Variants in CDC14B observed in about 807,000 individuals in gnomAD.
CDC14B encodes cell division cycle 14B.
A neutral mutation model predicts 64.2 loss-of-function variants in CDC14B; 22 were observed. That is an observed-to-expected ratio of 0.34 (90% CI 0.24 to 0.49). The LOEUF is 0.49. Ranked by LOEUF, CDC14B falls within the 20% of genes least tolerant of loss-of-function variation. The probability of loss-of-function intolerance (pLI) is 0.99; values close to 1 mark genes in which losing one functional copy is unlikely to be tolerated. For missense variants in CDC14B, 498 were observed against 629.9 expected, an observed-to-expected ratio of 0.79 and a Z score of 2.24; for synonymous variants, 191 against 215.8, an observed-to-expected ratio of 0.89 and a Z score of 1.01.
At chr9:96,494,621 C>T (rs1040399949) in intron 13 of CDC14B, among the ~76,000 whole-genome samples, 4 of 152,220 alleles carry the variant, frequency 2.6e-5, no homozygotes, top group African/African-American at 9.6e-5. Flanking sequence ...AAGGCTCTCA[C>T]ACCCCCCACA....
chr9:96,590,613 C>T (rs1845728825), intron 1 of CDC14B, among the ~76,000 whole-genome samples: 1 of 151,814 alleles, frequency 6.6e-6, no homozygotes, highest in Non-Finnish European at 1.5e-5. Context: ...TACAAGACTT[C>T]CAATTTCTCC....
intron 1 of CDC14B, among the ~76,000 whole-genome samples, chr9:96,573,085 G>A (rs1318639722): frequency 6.6e-6 from 1 of 152,126 alleles, no homozygotes; most frequent in African/African-American, 2.4e-5. Context: ...GAGGCGGGTG[G>A]ATCACCTGAG....
Position 96,522,486 on chromosome 9 carries a change from A to T in CDC14B, c.1343+20T>A. On this transcript the variant is annotated intron_variant, in intron 12 of 13. Transcript: ENST00000375241. Reference sequence around the variant, plus strand: ...CACATATGAAGAAACATCAACCACAACAAAGGAACCCAGACTCACGTGAGA... The same window carrying T: ...CACATATGAAGAAACATCAACCACATCAAAGGAACCCAGACTCACGTGAGA... The T allele has an allele frequency of 6.5e-7, 1 of 1,546,186 alleles. No individual in the cohort carries two copies. Among genetic ancestry groups the T allele is most frequent in the Non-Finnish European group, 8.9e-7 (1 of 1,118,044 alleles).
At chr9:96,595,674 A>G (rs1846028675) in intron 1 of CDC14B, among the ~76,000 whole-genome samples, 1 of 152,230 alleles carries the variant, frequency 6.6e-6, no homozygotes, top group African/African-American at 2.4e-5. Context: ...GGTGGACCTC[A>G]CAAACATGCT....
At chr9:96,603,961 G>A (rs1028390362) in intron 1 of CDC14B, among the ~76,000 whole-genome samples, 2 of 152,172 alleles carry the variant, frequency 1.3e-5, no homozygotes, top group Non-Finnish European at 2.9e-5. Flanking sequence ...ATTCCCAAGA[G>A]TGCCAAAGTA....
At position 96,585,205 on chromosome 9, in the gene CDC14B, T is replaced by C. The variant is rs1845388751; in HGVS notation, c.161-19722A>G. On this transcript the variant is annotated intron_variant, in intron 1 of 13. Coordinates refer to ENST00000375241, the MANE Select transcript of CDC14B (RefSeq NM_033331.4). ...TTTAAAGAAAATGGTGTGGAAGGGA[T>C]TAAGGCACTTTTTTTTTTTTTAACT... 2.6e-5 allele frequency among the ~76,000 whole-genome samples: 4 copies of C among 150,992 alleles called. No individual in the cohort carries two copies. In the South Asian group the frequency reaches 8.3e-4, roughly 31 times the overall value.
chr9:96,606,528 TG>T (rs1846945015), intron 1 of CDC14B, among the ~76,000 whole-genome samples: 4 of 6,614 alleles, frequency 6.0e-4, no homozygotes, highest in African/African-American at 2.1e-3. Flanking sequence ...ACTAAAAGTT[TG>T]TGTGTGTGTG....
At chr9:96,494,848 C>CT (rs1311709658) in intron 13 of CDC14B, among the ~76,000 whole-genome samples, 1 of 133,242 alleles carries the variant, frequency 7.5e-6, no homozygotes, top group Non-Finnish European at 1.6e-5. Flanking sequence ...CCTCCCCTTT[C>CT]TTTTTTGTCG....
At chr9:96,590,202 G>A (rs1193914616) in intron 1 of CDC14B, among the ~76,000 whole-genome samples, 1 of 152,108 alleles carries the variant, frequency 6.6e-6, no homozygotes, top group East Asian at 1.9e-4. Context: ...CTAGGAGTCT[G>A]ACTACTTTAG....
intron 12 of CDC14B, chr9:96,514,844 C>A: frequency 1.0e-6 from 1 of 985,414 alleles, no homozygotes. Flanking sequence ...CATTCTTCTG[C>A]AGAAATAAAG....
At chr9:96,572,705 T>C (rs1844546616) in intron 1 of CDC14B, among the ~76,000 whole-genome samples, 1 of 152,138 alleles carries the variant, frequency 6.6e-6, no homozygotes, top group Non-Finnish European at 1.5e-5. Flanking sequence ...ATTATCTCAT[T>C]AAAAACAGAG....
chr9:96,539,974 A>G (rs1424571228), intron 6 of CDC14B, among the ~76,000 whole-genome samples: 2 of 152,246 alleles, frequency 1.3e-5, no homozygotes, highest in African/African-American at 4.8e-5. Flanking sequence ...TTTCAAAAGT[A>G]AACTACTGAA....
intron 1 of CDC14B, among the ~76,000 whole-genome samples, chr9:96,586,610 T>A (rs1178234403): frequency 7.9e-5 from 12 of 152,006 alleles, no homozygotes; most frequent in Non-Finnish European, 1.8e-4. Context: ...AATTTTTAAA[T>A]TTTTTTGTGG....
intron 4 of CDC14B, among the ~76,000 whole-genome samples, chr9:96,558,409 C>G (rs1166128514): frequency 6.6e-6 from 1 of 152,142 alleles, no homozygotes; most frequent in Admixed American, 6.5e-5. Context: ...TCACATGTAA[C>G]CCATAAATAT....
chr9:96,540,296 A>T (rs1839864935), intron 6 of CDC14B, among the ~76,000 whole-genome samples: 1 of 152,196 alleles, frequency 6.6e-6, no homozygotes, highest in South Asian at 2.1e-4. Context: ...ACAAATAAAA[A>T]ATGCTTACAC....
At chr9:96,498,434 G>A (rs1301233387), downstream of CDC14B, among the ~76,000 whole-genome samples, 1 of 152,332 alleles carries the variant, frequency 6.6e-6, no homozygotes, top group East Asian at 1.9e-4. Flanking sequence ...AGTCCACTGA[G>A]GGGCCGCGGG....
At chr9:96,534,236 A>C in intron 8 of CDC14B, 79 bp from the exon 9 acceptor site, 1 of 891,106 alleles carries the variant, frequency 1.1e-6, no homozygotes, top group Non-Finnish European at 1.7e-6. Flanking sequence ...AACTGAACGG[A>C]AACAGTATCT....
chr9:96,566,839 G>A (rs1353304354), intron 1 of CDC14B: 18 of 1,597,552 alleles, frequency 1.1e-5, no homozygotes, highest in Admixed American at 1.7e-5. Context: ...TCTGGAAGGC[G>A]GGGCAGAGGC....
intron 3 of CDC14B, among the ~76,000 whole-genome samples, chr9:96,563,821 T>C (rs1391709310): frequency 6.6e-6 from 1 of 152,088 alleles, no homozygotes; most frequent in Non-Finnish European, 1.5e-5. Context: ...TTTAGCTTCC[T>C]AGTCCTGCAT....
Sources: gnomAD v4.1 joint callset for allele counts (sites outside exome capture counted in the v4.1 genomes callset) on GRCh38, gnomAD v4.1.1 for gene constraint, MANE v1.5 for transcripts, NCBI Gene and HGNC (gene_info 2026-07-23, HGNC 2026-07-21) for gene names.